The following INSR variants were observed in gnomAD, a reference collection of about 807,000 sequenced individuals.
INSR encodes the protein insulin receptor.
Under a neutral mutation model 142.6 loss-of-function variants are expected in INSR, and 67 were observed. The observed-to-expected ratio is 0.47, with a 90% confidence interval of 0.39 to 0.58. INSR has a LOEUF of 0.58. INSR is among the 20% of genes least tolerant of loss of function. INSR has a pLI of 0.00. For missense variants in INSR, 1,248 were observed against 1,833.2 expected, an observed-to-expected ratio of 0.68 and a Z score of 5.83; for synonymous variants, 756 against 743.1, an observed-to-expected ratio of 1.02 and a Z score of -0.28.
intron 2 of INSR, among the ~76,000 whole-genome samples, chr19:7,250,934 A>G (rs1976708681): frequency 6.6e-6 from 1 of 151,388 alleles, no homozygotes; most frequent in Non-Finnish European, 1.5e-5. Context: ...ACTGCACCCC[A>G]AGCCAGAAAG....
At chr19:7,265,510 G>A (rs779455036) in intron 2 of INSR, among the ~76,000 whole-genome samples, 2 of 152,188 alleles carry the variant, frequency 1.3e-5, no homozygotes, top group Admixed American at 6.5e-5. Context: ...GGAGGCCGAG[G>A]TGGGTGGATC....
intron 2 of INSR, among the ~76,000 whole-genome samples, chr19:7,260,513 G>T (rs551035049): frequency 2.2e-4 from 33 of 152,300 alleles, no homozygotes; most frequent in Non-Finnish European, 3.2e-4. Flanking sequence ...TCCCTCTGGG[G>T]CTGGAGGTGT....
intron 2 of INSR, among the ~76,000 whole-genome samples, chr19:7,205,655 C>T (rs1176781352): frequency 6.6e-6 from 1 of 152,100 alleles, no homozygotes; most frequent in Non-Finnish European, 1.5e-5. Context: ...GGAGGATCAC[C>T]TGAGGTCAGG....
Position 7,112,970 on chromosome 19 carries a change from G to A in INSR, c.*4086C>T, listed in dbSNP as rs1972242025. Reference sequence around the variant, plus strand: ...TTTCTGAAGTGACACCCCTCTCTGTGTACCATGTATATAAAATCGGCATTC... The same window carrying A: ...TTTCTGAAGTGACACCCCTCTCTGTATACCATGTATATAAAATCGGCATTC... On this transcript the variant is annotated 3_prime_UTR_variant, in exon 22 of 22. Coordinates refer to ENST00000302850, the MANE Select transcript of INSR (RefSeq NM_000208.4). The A allele has an allele frequency of 6.6e-6, 1 of 152,086 alleles. No individual in the cohort carries two copies. The highest frequency in any genetic ancestry group is 2.1e-4 in the South Asian group (1 of 4,824). 9.4% of individuals were successfully genotyped at this position (152,086 alleles called of 1,614,324 possible).
chr19:7,146,236 CTTTTTTTTTTT>C (rs35961932), intron 11 of INSR, among the ~76,000 whole-genome samples: 4 of 110,756 alleles, frequency 3.6e-5, no homozygotes, highest in Non-Finnish European at 7.5e-5. Flanking sequence ...TTGTCAAGTT[CTTTTTTTTTTT>C]TTTTTTTTTT....
intron 9 of INSR, among the ~76,000 whole-genome samples, chr19:7,162,430 G>C (rs753931965): frequency 1.3e-5 from 2 of 151,156 alleles, no homozygotes; most frequent in Non-Finnish European, 2.9e-5. Context: ...AGGATTGCTT[G>C]AGCCTGGGAG....
chr19:7,149,980 G>A (rs1342938073), intron 11 of INSR, among the ~76,000 whole-genome samples: 5 of 142,942 alleles, frequency 3.5e-5, no homozygotes, highest in Non-Finnish European at 7.6e-5. Flanking sequence ...AAGGAAGGAA[G>A]GAAGGAAGAG....
At chr19:7,197,912 A>AGAGTGTGTGT (rs1243502286) in intron 2 of INSR, among the ~76,000 whole-genome samples, 1 of 91,066 alleles carries the variant, frequency 1.1e-5, no homozygotes, top group Non-Finnish European at 2.1e-5. Flanking sequence ...TCGGTTCCAG[A>AGAGTGTGTGT]GTGAGAGTGT....
At chr19:7,221,989 T>C (rs1975635237) in intron 2 of INSR, among the ~76,000 whole-genome samples, 1 of 151,184 alleles carries the variant, frequency 6.6e-6, no homozygotes, top group South Asian at 2.1e-4. Context: ...TTTACAGCTA[T>C]CAAGCATGTA....
chr19:7,224,562 G>A (rs1422909274), intron 2 of INSR, among the ~76,000 whole-genome samples: 1 of 152,166 alleles, frequency 6.6e-6, no homozygotes, highest in Non-Finnish European at 1.5e-5. Context: ...CCCACTCCAG[G>A]TGACCAAGCC....
intron 2 of INSR, among the ~76,000 whole-genome samples, chr19:7,220,353 C>T (rs1376018347): frequency 1.3e-5 from 2 of 152,124 alleles, no homozygotes; most frequent in African/African-American, 4.8e-5. Flanking sequence ...TGCAGTGGTG[C>T]GATCTTGGCT....
At chr19:7,151,108 C>T (rs1472038587) in intron 10 of INSR, among the ~76,000 whole-genome samples, 1 of 147,234 alleles carries the variant, frequency 6.8e-6, no homozygotes, top group East Asian at 2.0e-4. Context: ...CTCTCTCCCT[C>T]CCTTGCCCCC....
At chr19:7,117,722 T>G (rs1223724305) in intron 21 of INSR, among the ~76,000 whole-genome samples, 1 of 152,078 alleles carries the variant, frequency 6.6e-6, no homozygotes, top group Non-Finnish European at 1.5e-5. Context: ...TCCTCTCACC[T>G]TGGCCTCCCA....
intron 1 of INSR, among the ~76,000 whole-genome samples, chr19:7,280,631 C>T (rs1383232553): frequency 1.3e-5 from 2 of 150,346 alleles, no homozygotes; most frequent in African/African-American, 4.9e-5. Flanking sequence ...GCAGGAGAAT[C>T]GCCTGAACCC....
At chr19:7,123,161 C>A in intron 17 of INSR, 172 bp from the exon 18 acceptor site, 1 of 612,632 alleles carries the variant, frequency 1.6e-6, no homozygotes, top group South Asian at 1.9e-5. Context: ...GACAGATAGG[C>A]CTTTGTATTT....
At chr19:7,158,075 T>TTATTAG (rs1245411375) in intron 9 of INSR, among the ~76,000 whole-genome samples, 3 of 148,708 alleles carry the variant, frequency 2.0e-5, no homozygotes, top group African/African-American at 7.4e-5. Context: ...ATTATTATTA[T>TTATTAG]TATTATTATT....
At chr19:7,229,035 A>G (rs1407357611) in intron 2 of INSR, among the ~76,000 whole-genome samples, 1 of 147,868 alleles carries the variant, frequency 6.8e-6, no homozygotes, top group Non-Finnish European at 1.5e-5. Context: ...GGATGGATGA[A>G]TGGATGAGTG....
At chr19:7,130,421 C>T (rs1038961172) in intron 14 of INSR, among the ~76,000 whole-genome samples, 5 of 152,098 alleles carry the variant, frequency 3.3e-5, no homozygotes, top group Admixed American at 2.6e-4. Context: ...GATCTGTGTC[C>T]CCACCCAAAG....
rs559415664 is a variant in INSR, at chr19:7,167,918, G to GAGCC, written c.1610+46_1610+49dup. On this transcript the variant is annotated intron_variant, in intron 7 of 21. Transcript: ENST00000302850. The stretch of plus-strand genomic sequence containing the variant: ...TTGGAGCACAAACGTAGCAAGCACA[G>GAGCC]AGCCAGCCAGCCCTCGCCTCCTCAG... 126 of 1,611,822 alleles carry GAGCC rather than the reference G, an allele frequency of 7.8e-5. 2 individuals are homozygous for GAGCC. In the South Asian group the frequency reaches 1.3e-3, roughly 17 times the overall value.
Sources: allele counts gnomAD v4.1 joint callset (sites outside exome capture counted in the v4.1 genomes callset), GRCh38; gene constraint gnomAD v4.1.1; transcripts MANE v1.5; gene names NCBI Gene and HGNC (gene_info 2026-07-23, HGNC 2026-07-21).